SLIT1: variants seen among roughly 807,000 people sequenced by gnomAD.
SLIT1 encodes slit homolog 1 protein.
Under a neutral mutation model 186.1 loss-of-function variants are expected in SLIT1, and 66 were observed. The observed-to-expected ratio is 0.35, with a 90% CI of 0.29 to 0.44. SLIT1 has a LOEUF of 0.44. Among genes scored for constraint, SLIT1 ranks in the 20% least tolerant of loss-of-function variants. The pLI is 1.00. For missense variants in SLIT1, 1,638 were observed against 2,037.4 expected (o/e 0.80, Z 3.77); for synonymous variants, 761 against 833.8 (o/e 0.91, Z 1.50).
At chr10:97,060,236 C>T in intron 9 of SLIT1, 78 bp from the exon 10 acceptor site, 5 of 1,186,286 alleles carry the variant, frequency 4.2e-6, no homozygotes, top group Non-Finnish European at 6.3e-6. Context: ...GGCTCACCTG[C>T]CCTGAATAAT....
In SLIT1 at chr10:97,139,740, G is replaced by A. The variant is rs115195462; in HGVS notation, c.413+18078C>T. On this transcript the variant is annotated intron_variant, in intron 4 of 36. Coordinates refer to ENST00000266058, the MANE Select transcript of SLIT1 (RefSeq NM_003061.3). ...TCCTAGAAATGGCGTGCAGAGTTCC[G>A]GGGGCCTGGATGAATAGGAAAACCC... Among the ~76,000 whole-genome samples, 1,251 of 152,268 alleles carry A rather than the reference G, an allele frequency of 8.2e-3. 13 individuals are homozygous for A. Among genetic ancestry groups the A allele is most frequent in the African/African-American group, 0.028 (1,172 of 41,540 alleles).
At chr10:97,125,659 C>T (rs956223290) in intron 4 of SLIT1, among the ~76,000 whole-genome samples, 7 of 151,080 alleles carry the variant, frequency 4.6e-5, no homozygotes, top group Admixed American at 4.6e-4. Context: ...GCCAACATAG[C>T]GAAACCCTGT....
rs1189376390 is a variant in SLIT1, at chr10:97,185,840, G to C, written c.-166C>G. 3 of 571,968 alleles carry C rather than the reference G, an allele frequency of 5.2e-6. No homozygotes were observed. Among genetic ancestry groups the C allele is most frequent in the East Asian group, 7.1e-5 (2 of 28,292 alleles). The allele number at this position is 571,968 out of a possible 1,614,324, so 35.4% of individuals were successfully genotyped here. A position where few individuals can be genotyped will look rare whatever the true frequency, so the allele number is the denominator to read the frequency against. On this transcript the variant is annotated 5_prime_UTR_variant, in exon 1 of 37. Coordinates refer to ENST00000266058, the MANE Select transcript of SLIT1 (RefSeq NM_003061.3). The stretch of plus-strand genomic sequence containing the variant: ...GAGGCACCTTGCTCCTCCAAGCGAC[G>C]GCGCCTGTGCGCGGACGGAGGGAGG...
In SLIT1 at chr10:97,184,018, C is replaced by CCACACACACA. The variant is rs36000443; in HGVS notation, c.197+1450_197+1459dup. On this transcript the variant is annotated intron_variant, in intron 1 of 36. Transcript: ENST00000266058. The surrounding 1 kb of genome is among the most constrained non-coding windows in gnomAD (Gnocchi z 4.4). Reference sequence around the variant, plus strand: ...ATTCACACACACACATACACATGCACCACACACACACACACACACACACAC... The same window carrying CCACACACACA: ...ATTCACACACACACATACACATGCACCACACACACACACACACACACACACACACACACAC... 1.8e-3 allele frequency among the ~76,000 whole-genome samples: 250 copies of CCACACACACA among 142,582 alleles called. No homozygotes were observed. The highest frequency in any genetic ancestry group is 7.1e-3 in the Middle Eastern group (2 of 280). 93.5% of individuals were successfully genotyped at this position (142,582 alleles called of 152,430 possible). A position where few individuals can be genotyped will look rare whatever the true frequency, so the allele number is the denominator to read the frequency against.
chr10:97,114,603 G>A (rs985073180), intron 4 of SLIT1, among the ~76,000 whole-genome samples: 8 of 152,116 alleles, frequency 5.3e-5, no homozygotes, highest in African/African-American at 1.9e-4. Flanking sequence ...AGGCTGCAGT[G>A]AGCCATGACT....
At chr10:97,065,972 C>T in intron 5 of SLIT1, 43 bp downstream of exon 5, 1 of 1,434,150 alleles carries the variant, frequency 7.0e-7, no homozygotes, top group Non-Finnish European at 9.7e-7. Flanking sequence ...CAGGAGTGGC[C>T]CTGGAGCCCC....
chr10:97,004,085 G>A lies in SLIT1; in HGVS notation c.3848C>T (p.Ala1283Val), dbSNP rs771185345. The A allele has an allele frequency of 4.3e-5, 70 of 1,610,776 alleles. No homozygotes were observed. In the South Asian group the frequency reaches 4.9e-4, roughly 11 times the overall value. The change falls in exon 34 of 37, where the codon GCG (alanine) becomes GTG (valine). Residue 1283 changes from alanine to valine, a missense_variant. By Grantham distance (64) the Ala-to-Val change is moderately conservative (BLOSUM62 0). Around this residue, in one of 3 missense-constraint regions of SLIT1, gnomAD observed 173 missense variants for 290.9 expected, o/e 0.59. Transcript: ENST00000266058. The surrounding 1 kb of genome is among the most constrained non-coding windows in gnomAD (Gnocchi z 5.1). ...FGKHYTLNSE[A>V]PLYVGGMPVD... ...GTCCTCACCTCCCACATAGAGTGGCGCCTCGCTGTTGAGCGTGTAATGTTT... is the reference window on the plus strand; with the variant it reads ...GTCCTCACCTCCCACATAGAGTGGCACCTCGCTGTTGAGCGTGTAATGTTT...
chr10:97,027,395 A>G (rs934440376), intron 25 of SLIT1, among the ~76,000 whole-genome samples: 3 of 152,242 alleles, frequency 2.0e-5, no homozygotes, highest in African/African-American at 7.2e-5. Context: ...AAACACATGA[A>G]TATAAGTACA....
At chr10:97,173,866 G>A (rs542182079) in intron 1 of SLIT1, among the ~76,000 whole-genome samples, 5 of 152,316 alleles carry the variant, frequency 3.3e-5, no homozygotes, top group African/African-American at 7.2e-5. Flanking sequence ...CCTGAAGGGC[G>A]AAGGCCTCTG....
At chr10:97,002,457 C>T (rs769974052) in intron 35 of SLIT1, 88 bp from the exon 36 acceptor site, 8 of 1,035,382 alleles carry the variant, frequency 7.7e-6, no homozygotes, top group East Asian at 2.6e-5. Flanking sequence ...CAGCCCACCC[C>T]ACCCAGCCCT....
At chr10:97,110,445 C>A (rs974032356) in intron 4 of SLIT1, among the ~76,000 whole-genome samples, 1 of 152,132 alleles carries the variant, frequency 6.6e-6, no homozygotes, top group African/African-American at 2.4e-5. Context: ...GGAAAGTGGG[C>A]AAATCGTGGT....
rs562422838 is a variant in SLIT1 at position 97,123,382 on chromosome 10, C to A, written c.413+34436G>T. ...CAAGAGAAGAAGTAGAGCAACCTCC[C>A]TTCATTTGGCAAATAATGCTATGCA... On this transcript the variant is annotated intron_variant, in intron 4 of 36. Coordinates refer to ENST00000266058, the MANE Select transcript of SLIT1 (RefSeq NM_003061.3). Among the ~76,000 whole-genome samples, 14 of 152,340 alleles carry A rather than the reference C, an allele frequency of 9.2e-5. No individual in the cohort carries two copies. The South Asian group carries it at 2.7e-3, about 29-fold the overall frequency.
intron 4 of SLIT1, among the ~76,000 whole-genome samples, chr10:97,086,019 G>A (rs557796999): frequency 6.6e-6 from 1 of 152,306 alleles, no homozygotes; most frequent in Admixed American, 6.5e-5. Flanking sequence ...ATATGAAATG[G>A]TACAGCCACT....
At chr10:97,143,558 C>T (rs1212592621) in intron 4 of SLIT1, among the ~76,000 whole-genome samples, 2 of 152,182 alleles carry the variant, frequency 1.3e-5, no homozygotes, top group Non-Finnish European at 2.9e-5. Flanking sequence ...ACATATTTAA[C>T]ACTACTAAAC....
In SLIT1 at chr10:97,004,665, G is replaced by A. The variant is rs754464188; in HGVS notation, c.3710+28C>T. 6 of 1,613,538 alleles carry A rather than the reference G, an allele frequency of 3.7e-6. No homozygotes were observed. Among genetic ancestry groups the A allele is most frequent in the Admixed American group, 1.7e-5 (1 of 59,992 alleles). ...CCCTGGCAGTCCCGTACCCCTGAGG[G>A]CAGCTGGGGGGCATAAGGAAGCCCT... On this transcript the variant is annotated intron_variant, in intron 33 of 36. Transcript: ENST00000266058. The surrounding 1 kb of genome is among the most constrained non-coding windows in gnomAD (Gnocchi z 5.1).
chr10:97,030,920 C>T, intron 24 of SLIT1, 92 bp from the exon 25 acceptor site: 1 of 1,059,172 alleles, frequency 9.4e-7, no homozygotes, highest in Non-Finnish European at 1.5e-6. Context: ...AGAGAGGGGA[C>T]AGGCCGTGCC....
intron 4 of SLIT1, among the ~76,000 whole-genome samples, chr10:97,126,469 A>G (rs1358730040): frequency 2.0e-5 from 3 of 152,166 alleles, no homozygotes; most frequent in Admixed American, 1.3e-4. Flanking sequence ...GGTGGAGATG[A>G]GGCTTTTAAA....
intron 4 of SLIT1, among the ~76,000 whole-genome samples, chr10:97,089,561 T>C (rs1210169330): frequency 2.0e-5 from 3 of 152,188 alleles, no homozygotes; most frequent in Non-Finnish European, 2.9e-5. Flanking sequence ...CGGGGATGTG[T>C]CCTGTGTGAC....
intron 4 of SLIT1, among the ~76,000 whole-genome samples, chr10:97,108,798 G>A (rs1248481435): frequency 6.9e-6 from 1 of 143,924 alleles, no homozygotes; most frequent in African/African-American, 2.6e-5. Flanking sequence ...TGAGGCAGAA[G>A]AATCGCTTGA....
Sources: allele counts gnomAD v4.1 joint callset (sites outside exome capture counted in the v4.1 genomes callset), GRCh38; gene constraint gnomAD v4.1.1; regional missense constraint gnomAD v4.1.1; non-coding constraint Gnocchi (gnomAD v3.1); transcripts MANE v1.5; gene names NCBI Gene and HGNC (gene_info 2026-07-23, HGNC 2026-07-21).